SYNJ2: variants seen among roughly 807,000 people sequenced by gnomAD.
The protein encoded by SYNJ2 is synaptojanin 2, also known as polyphosphatidylinositol phosphatase SYNJ2.
A neutral mutation model predicts 141.3 loss-of-function variants in SYNJ2; 116 were observed. The observed-to-expected ratio is 0.82, with a 90% confidence interval of 0.71 to 0.96. The LOEUF (loss-of-function observed/expected upper bound fraction) is 0.96. Ranked by LOEUF, SYNJ2 falls within the 40% of genes least tolerant of loss-of-function variation. SYNJ2 has a pLI of 0.00. For synonymous variants in SYNJ2, 745 were observed against 777.7 expected (o/e 0.96, Z 0.70); for missense variants, 1,873 against 1,934.8 (o/e 0.97, Z 0.60).
chr6:158,063,767 G>A lies in SYNJ2; in HGVS notation c.1128-24G>A, dbSNP rs112079505. 117 of 1,575,728 alleles carry A rather than the reference G, an allele frequency of 7.4e-5. 1 individual carries two copies. The highest frequency in any genetic ancestry group is 5.4e-4 in the East Asian group (23 of 42,422). On this transcript the variant is annotated intron_variant, in intron 8 of 26. Transcript: ENST00000355585. ...GCTTCTTTGAAAACAACATATAACCGTTTACATTTCTTCTTGTCCTAAGTT... is the reference window on the plus strand; with the variant it reads ...GCTTCTTTGAAAACAACATATAACCATTTACATTTCTTCTTGTCCTAAGTT...
chr6:158,047,678 G>A (rs180877073), intron 5 of SYNJ2, among the ~76,000 whole-genome samples: 1 of 149,566 alleles, frequency 6.7e-6, no homozygotes, highest in Non-Finnish European at 1.5e-5. Context: ...TCAGGAGGCT[G>A]AGGCAGGAGA....
At chr6:158,039,508 C>A (rs1779821542) in intron 4 of SYNJ2, among the ~76,000 whole-genome samples, 1 of 152,220 alleles carries the variant, frequency 6.6e-6, no homozygotes, top group Non-Finnish European at 1.5e-5. Flanking sequence ...GGAGAGGTCC[C>A]TCAGGGGAGC....
chr6:158,009,102 G>A (rs1007687435), intron 1 of SYNJ2, among the ~76,000 whole-genome samples: 7 of 152,166 alleles, frequency 4.6e-5, no homozygotes, highest in African/African-American at 1.2e-4. Context: ...CTTCAGGTCC[G>A]CATTCAGATG....
intron 15 of SYNJ2, among the ~76,000 whole-genome samples, chr6:158,072,737 TAAAA>T (rs5881235): frequency 1.3e-5 from 2 of 148,180 alleles, no homozygotes; most frequent in Non-Finnish European, 1.5e-5. Context: ...TAATGCAGTT[TAAAA>T]AAAAAAAAAA....
Position 158,013,425 on chromosome 6 carries a change from C to T in SYNJ2, c.128-3779C>T, listed in dbSNP as rs147743650. ...TGAGAACAATTTTGTATACAGATTC[C>T]CCCAGGAGCTACCCCTTGAAGCTCC... is the stretch of plus-strand genomic sequence containing the variant. On this transcript the variant is annotated intron_variant, in intron 1 of 26. Transcript: ENST00000355585. 3.3e-5 allele frequency among the ~76,000 whole-genome samples: 5 copies of T among 152,280 alleles called. No homozygotes were observed. The East Asian group carries it at 9.6e-4, about 29-fold the overall frequency.
At chr6:158,026,331 C>T (rs777014926) in intron 2 of SYNJ2, among the ~76,000 whole-genome samples, 5 of 152,218 alleles carry the variant, frequency 3.3e-5, no homozygotes, top group African/African-American at 4.8e-5. Flanking sequence ...CCCAGCTCCC[C>T]GCTCTGTCAC....
At chr6:158,000,318 G>T (rs776962597) in intron 1 of SYNJ2, among the ~76,000 whole-genome samples, 1 of 152,114 alleles carries the variant, frequency 6.6e-6, no homozygotes, top group South Asian at 2.1e-4. Context: ...AACCATATGT[G>T]CCTGAGATGT....
In SYNJ2 at chr6:158,070,776, G is replaced by A. The variant is rs995939535; in HGVS notation, c.1941-826G>A. Among the ~76,000 whole-genome samples, 5 of 152,166 alleles carry A rather than the reference G, an allele frequency of 3.3e-5. No individual in the cohort carries two copies. The highest frequency in any genetic ancestry group is 4.4e-5 in the Non-Finnish European group (3 of 68,036). On this transcript the variant is annotated intron_variant, in intron 14 of 26. Coordinates refer to ENST00000355585, the MANE Select transcript of SYNJ2 (RefSeq NM_003898.4). This position sits in a 1 kb window ranked among gnomAD's most constrained non-coding sequence, Gnocchi z 4.0. The stretch of plus-strand genomic sequence containing the variant: ...TTGCAGCCCATGTTTCTATGGACTC[G>A]TATGCGTCATAAGTGGGCATTTGAA...
chr6:157,994,970 G>A (rs991482883), intron 1 of SYNJ2, among the ~76,000 whole-genome samples: 2 of 152,114 alleles, frequency 1.3e-5, no homozygotes, highest in African/African-American at 4.8e-5. Context: ...CTGAATCTAC[G>A]GCATGGGGGC....
rs141957604 is a variant in SYNJ2 at position 158,063,863 on chromosome 6, C to T, written c.1200C>T (p.Ile400=). Reference sequence around the variant, plus strand: ...GAACCAACACTGTGCAGAGCTTCATCGCGCTCGAGGTGCGTCCCTGCCACA... The same window carrying T: ...GAACCAACACTGTGCAGAGCTTCATTGCGCTCGAGGTGCGTCCCTGCCACA... ...LDRTNTVQSF[I]ALEVLHLQLK... The change falls in exon 9 of 27, where the codon ATC becomes ATT. Residue 400 remains isoleucine, a synonymous_variant. Coordinates refer to ENST00000355585, the MANE Select transcript of SYNJ2 (RefSeq NM_003898.4). 49 of 1,613,452 alleles carry T rather than the reference C, an allele frequency of 3.0e-5. 1 individual carries two copies. Among genetic ancestry groups the T allele is most frequent in the South Asian group, 3.0e-4 (27 of 91,044 alleles).
chr6:158,013,680 G>A (rs751636725), intron 1 of SYNJ2, among the ~76,000 whole-genome samples: 8 of 152,206 alleles, frequency 5.3e-5, no homozygotes, highest in Middle Eastern at 3.2e-3. Context: ...GACACCAGCA[G>A]AGTGGCAAAA....
chr6:158,069,204 G>T (rs1781756352), intron 13 of SYNJ2, among the ~76,000 whole-genome samples: 1 of 152,070 alleles, frequency 6.6e-6, no homozygotes, highest in African/African-American at 2.4e-5. Flanking sequence ...AGTCAACTGG[G>T]CGCTCCCCCC....
intron 1 of SYNJ2, among the ~76,000 whole-genome samples, chr6:157,997,046 C>G (rs924052950): frequency 1.6e-5 from 2 of 124,298 alleles, no homozygotes; most frequent in Non-Finnish European, 3.2e-5. Context: ...CACCCAGCTT[C>G]GTGACTGCAG....
At chr6:158,087,367 T>C (rs2128395897) in intron 23 of SYNJ2, among the ~76,000 whole-genome samples, 1 of 152,340 alleles carries the variant, frequency 6.6e-6, no homozygotes, top group South Asian at 2.1e-4. Context: ...TTATGAGGAA[T>C]CTGGTAAACC....
At chr6:158,037,395 CTTT>C (rs869141011) in intron 4 of SYNJ2, among the ~76,000 whole-genome samples, 3,539 of 108,946 alleles carry the variant, frequency 0.032, 139 homozygotes, top group African/African-American at 0.13. Context: ...TTGTCCTCAT[CTTT>C]TTTTTTTTTT....
chr6:158,092,842 T>G, intron 25 of SYNJ2, 84 bp from the exon 26 acceptor site: 1 of 1,266,456 alleles, frequency 7.9e-7, no homozygotes, highest in Non-Finnish European at 1.1e-6. Flanking sequence ...TAAATGACAC[T>G]TAGGATGTAG....
intron 1 of SYNJ2, among the ~76,000 whole-genome samples, chr6:158,008,114 G>T (rs1286203323): frequency 6.6e-6 from 1 of 152,112 alleles, no homozygotes; most frequent in African/African-American, 2.4e-5. Flanking sequence ...TTATCTGCCT[G>T]GTGTGTGTAG....
chr6:158,076,925 C>T, intron 17 of SYNJ2, 143 bp downstream of exon 17: 7 of 1,028,580 alleles, frequency 6.8e-6, no homozygotes, highest in Non-Finnish European at 9.4e-6. Context: ...TCATCCCAGA[C>T]CTTAACCCCT....
At chr6:158,091,219 AG>A (rs1783424361) in intron 25 of SYNJ2, among the ~76,000 whole-genome samples, 1 of 151,976 alleles carries the variant, frequency 6.6e-6, no homozygotes, top group South Asian at 2.1e-4. Flanking sequence ...CAGGAGGCTG[AG>A]GCAGGAGAAT....
Sources: allele counts gnomAD v4.1 joint callset (sites outside exome capture counted in the v4.1 genomes callset), GRCh38; gene constraint gnomAD v4.1.1; non-coding constraint Gnocchi (gnomAD v3.1); transcripts MANE v1.5; gene names NCBI Gene and HGNC (gene_info 2026-07-23, HGNC 2026-07-21).